The following MGAM variants were observed in gnomAD, a reference collection of about 807,000 sequenced individuals.
MGAM encodes the protein maltase-glucoamylase, also known as alpha-1,4-glucosidase.
A neutral mutation model predicts 358.8 loss-of-function variants in MGAM; 253 were observed. The observed-to-expected ratio is 0.71, with a 90% CI of 0.64 to 0.78. The LOEUF (loss-of-function observed/expected upper bound fraction) is 0.78. Among genes scored for constraint, MGAM ranks in the 30% least tolerant of loss-of-function variants. The pLI is 0.00. For missense variants in MGAM, 3,080 were observed against 3,432.6 expected, an observed-to-expected ratio of 0.90 and a Z score of 2.57; for synonymous variants, 1,105 against 1,227.1, an observed-to-expected ratio of 0.90 and a Z score of 2.08.
chr7:142,008,635 T>C lies in MGAM; in HGVS notation c.257T>C (p.Val86Ala), dbSNP rs373889066. ...CCTGGAACAACTGGTACCACTCCTG[T>C]TTCTGCTGAATGTCCAGTGGTAAAT... Reference protein sequence around the residue: ...PDPGTTGTTPVSAECPVVNEL... With the variant: ...PDPGTTGTTPASAECPVVNEL... The change falls in exon 3 of 71, where the codon GTT (valine) becomes GCT (alanine). Residue 86 changes from valine to alanine, a missense_variant. Physicochemically the swap from Val to Ala is moderately conservative, Grantham distance 64. Transcript: ENST00000475668. The C allele has an allele frequency of 4.1e-5, 66 of 1,613,064 alleles. No individual in the cohort carries two copies. In the African/African-American group the frequency reaches 8.4e-4, roughly 21 times the overall value.
intron 54 of MGAM, among the ~76,000 whole-genome samples, chr7:142,085,063 A>G (rs78573596): frequency 0.01 from 1,504 of 146,806 alleles, 79 homozygotes; most frequent in African/African-American, 0.035. Context: ...CAGTTCCCGC[A>G]GCCCTGGTGC....
chr7:142,050,345 G>C lies in MGAM; in HGVS notation c.2637+61G>C, dbSNP rs964556499. 5 of 1,537,548 alleles carry C rather than the reference G, an allele frequency of 3.3e-6. No individual in the cohort carries two copies. The African/African-American group carries it at 6.8e-5, about 21-fold the overall frequency. ...CTTTGGACTGACCATTAGCACATCT[G>C]TGCTTGTGTATATTGTATATGTGTG... is the stretch of plus-strand genomic sequence containing the variant. On this transcript the variant is annotated intron_variant, in intron 23 of 70. Coordinates refer to ENST00000475668, the MANE Select transcript of MGAM (RefSeq NM_001365693.1).
At chr7:142,017,993 G>A (rs911374385) in intron 3 of MGAM, among the ~76,000 whole-genome samples, 2 of 152,116 alleles carry the variant, frequency 1.3e-5, no homozygotes, top group Non-Finnish European at 2.9e-5. Flanking sequence ...TTACCACCAT[G>A]GGCCAAAGGT....
At position 142,027,195 on chromosome 7, in the gene MGAM, A is replaced by T. The variant is rs1181164759; in HGVS notation, c.1063A>T (p.Thr355Ser). 1.2e-6 allele frequency: 2 copies of T among 1,613,386 alleles called. No individual in the cohort carries two copies. Among genetic ancestry groups the T allele is most frequent in the Non-Finnish European group, 1.7e-6 (2 of 1,179,418 alleles). The part of the protein sequence containing the change: ...ILDFYVFLGN[T>S]PEQVVQEYLE... ...CGACTTCTATGTGTTCTTGGGAAACACTCCAGAGCAAGTTGTTCAAGAATA... is the reference window on the plus strand; with the variant it reads ...CGACTTCTATGTGTTCTTGGGAAACTCTCCAGAGCAAGTTGTTCAAGAATA... The change falls in exon 9 of 71, where the codon ACT (threonine) becomes TCT (serine). Residue 355 changes from threonine to serine, a missense_variant. This residue lies in a region of MGAM where 1,816 missense variants were observed against 1,840.5 expected (regional missense o/e 0.99). Transcript: ENST00000475668.
intron 21 of MGAM, among the ~76,000 whole-genome samples, chr7:142,045,693 A>G (rs1216176736): frequency 2.0e-5 from 2 of 101,432 alleles, no homozygotes; most frequent in African/African-American, 7.6e-5. Context: ...TTATATACAT[A>G]CAATATATGA....
chr7:142,095,416 G>A (rs1347464989), intron 63 of MGAM, 149 bp from the exon 64 acceptor site: 1 of 1,164,660 alleles, frequency 8.6e-7, no homozygotes, highest in African/African-American at 1.6e-5. Context: ...AACTTTTCCA[G>A]TCTATTAAGA....
intron 59 of MGAM, 105 bp downstream of exon 59, chr7:142,092,713 C>A: frequency 2.8e-6 from 3 of 1,068,724 alleles, no homozygotes; most frequent in Middle Eastern, 2.3e-4. Flanking sequence ...GGCACATCCT[C>A]ATGGCTGCTG....
rs1259832418 is a variant in MGAM, at chr7:142,023,237, T to A, written c.882+798T>A. ...CACCATGCCTGGCCAAATTTTTGTA[T>A]TTTTTTTGTAGAGACTGTGTTTCGC... On this transcript the variant is annotated intron_variant, in intron 7 of 70. Transcript: ENST00000475668. Among the ~76,000 whole-genome samples, 5 of 151,898 alleles carry A rather than the reference T, an allele frequency of 3.3e-5. No individual in the cohort carries two copies. In the South Asian group the frequency reaches 1.0e-3, roughly 32 times the overall value.
intron 15 of MGAM, 51 bp from the exon 16 acceptor site, chr7:142,034,619 T>C: frequency 6.5e-7 from 1 of 1,541,264 alleles, no homozygotes. Flanking sequence ...TCCCCTTGGC[T>C]GAGACAAGCT....
chr7:142,072,555 T>G (rs572320934), intron 44 of MGAM, among the ~76,000 whole-genome samples: 1 of 146,482 alleles, frequency 6.8e-6, no homozygotes, highest in East Asian at 2.0e-4. Flanking sequence ...GCATGAAAAT[T>G]GTAGTATCTG....
At chr7:142,100,020 T>C (rs1405443022) in intron 67 of MGAM, among the ~76,000 whole-genome samples, 2 of 152,222 alleles carry the variant, frequency 1.3e-5, no homozygotes, top group Non-Finnish European at 2.9e-5. Context: ...GCCACCACGA[T>C]TCATAATAGT....
In MGAM at chr7:142,021,609, G is replaced by T. The variant is rs1806464895; in HGVS notation, c.582G>T (p.Arg194Ser). 1 of 1,613,752 alleles carries T rather than the reference G, an allele frequency of 6.2e-7. No individual in the cohort carries two copies. The highest frequency in any genetic ancestry group is 8.5e-7 in the Non-Finnish European group (1 of 1,179,826). The change falls in exon 6 of 71, where the codon AGG becomes AGT. Residue 194 changes from arginine to serine, a missense_variant. Arg to Ser is a moderately radical substitution (Grantham distance 110, BLOSUM62 -1). Coordinates refer to ENST00000475668, the MANE Select transcript of MGAM (RefSeq NM_001365693.1). ...HFKLTDQTNN[R>S]FEVPHEHVQS... ...AGTTGACTGACCAAACCAATAACAG[G>T]TTTGAAGTGCCCCACGAACACGTGC...
intron 10 of MGAM, among the ~76,000 whole-genome samples, chr7:142,028,021 CT>C (rs1189144174): frequency 6.6e-6 from 1 of 151,890 alleles, no homozygotes; most frequent in East Asian, 1.9e-4. Flanking sequence ...TATTAGTAAA[CT>C]TTTTTTGTGC....
At chr7:142,058,860 G>A (rs987868661) in intron 31 of MGAM, among the ~76,000 whole-genome samples, 3 of 152,198 alleles carry the variant, frequency 2.0e-5, no homozygotes, top group Non-Finnish European at 2.9e-5. Flanking sequence ...AGGGGACCCA[G>A]TCATCAGAGA....
Position 142,027,682 on chromosome 7 carries a change from T to C in MGAM, c.1168T>C (p.Leu390=). ...CCTCAGTCGTTACGAATATGGAACC[T>C]TAGACAACATGAGGGAAGTCGTGGA... ...FHLSRYEYGT[L]DNMREVVERN... is the part of the protein sequence containing the mutation. Residue 390 remains leucine, a synonymous_variant, in exon 10 of 71, where the codon TTA becomes CTA. Transcript: ENST00000475668. The C allele has an allele frequency of 6.2e-7, 1 of 1,613,606 alleles. No homozygotes were observed. Among genetic ancestry groups the C allele is most frequent in the South Asian group, 1.1e-5 (1 of 91,042 alleles).
At chr7:142,060,190 C>T in intron 33 of MGAM, 121 bp from the exon 34 acceptor site, 3 of 1,411,234 alleles carry the variant, frequency 2.1e-6, no homozygotes, top group Non-Finnish European at 3.0e-6. Context: ...TTATGTCAAT[C>T]CTATGTGATA....
chr7:142,093,663 A>G lies in MGAM; in HGVS notation c.7172+113A>G. ...CATTCTAAGGGTTAAGAAGATTCTC[A>G]TGACAACTGTGTAATGATTCTTATT... On this transcript the variant is annotated intron_variant, in intron 60 of 70. Coordinates refer to ENST00000475668, the MANE Select transcript of MGAM (RefSeq NM_001365693.1). 4.3e-6 allele frequency: 5 copies of G among 1,155,170 alleles called. 1 individual carries two copies. Among genetic ancestry groups the G allele is most frequent in the Non-Finnish European group, 6.0e-6 (5 of 826,824 alleles). 71.6% of individuals were successfully genotyped at this position (1,155,170 alleles called of 1,614,324 possible).
At chr7:142,059,359 A>C in intron 31 of MGAM, 113 bp from the exon 32 acceptor site, 1 of 1,477,348 alleles carries the variant, frequency 6.8e-7, no homozygotes, top group Non-Finnish European at 9.1e-7. Flanking sequence ...TGGGATTTGA[A>C]TGCATCAACA....
intron 30 of MGAM, 84 bp downstream of exon 30, chr7:142,057,026 G>A (rs1443230515): frequency 8.2e-7 from 1 of 1,212,678 alleles, no homozygotes; most frequent in Non-Finnish European, 1.2e-6. Flanking sequence ...ATAACTCTCA[G>A]TTGACAACTG....
Sources: gnomAD v4.1 joint callset for allele counts (sites outside exome capture counted in the v4.1 genomes callset) on GRCh38, gnomAD v4.1.1 for gene constraint, gnomAD v4.1.1 regional missense constraint, MANE v1.5 for transcripts, NCBI Gene and HGNC (gene_info 2026-07-23, HGNC 2026-07-21) for gene names.